The following PIK3C3 variants were observed in gnomAD, a reference collection of about 807,000 sequenced individuals.
PIK3C3 encodes phosphatidylinositol 3-kinase catalytic subunit type 3, also known as PI3-kinase type 3.
Under a neutral mutation model 126.1 loss-of-function variants are expected in PIK3C3, and 95 were observed. The observed-to-expected ratio is 0.75, with a 90% CI of 0.64 to 0.89. The LOEUF is 0.89. Among genes scored for constraint, PIK3C3 ranks in the 40% least tolerant of loss-of-function variants. The probability of loss-of-function intolerance (pLI) is 0.00; values close to 1 mark genes in which losing one functional copy is unlikely to be tolerated. For missense variants in PIK3C3, 829 were observed against 1,063.2 expected, an observed-to-expected ratio of 0.78 and a Z score of 3.06; for synonymous variants, 374 against 360.0, an observed-to-expected ratio of 1.04 and a Z score of -0.44.
intron 20 of PIK3C3, among the ~76,000 whole-genome samples, chr18:42,045,336 T>A (rs1984513485): frequency 6.6e-6 from 1 of 152,222 alleles, no homozygotes; most frequent in African/African-American, 2.4e-5. Flanking sequence ...CTTGTTTCTC[T>A]TCTTTATTTT....
At chr18:42,065,647 A>G (rs1985505203) in intron 23 of PIK3C3, among the ~76,000 whole-genome samples, 1 of 152,222 alleles carries the variant, frequency 6.6e-6, no homozygotes, top group Non-Finnish European at 1.5e-5. Flanking sequence ...CTCCATTCCT[A>G]TAGAATTTCC....
intron 4 of PIK3C3, among the ~76,000 whole-genome samples, chr18:41,983,367 T>TTC (rs1255912593): frequency 1.3e-5 from 2 of 152,006 alleles, no homozygotes; most frequent in East Asian, 3.9e-4. Flanking sequence ...TTTTTTTTTT[T>TTC]TCTCTCTCCA....
Position 42,076,151 on chromosome 18 carries a change from T to C in PIK3C3, c.2650-4972T>C, listed in dbSNP as rs868007583. Among the ~76,000 whole-genome samples, 361 of 103,706 alleles carry C rather than the reference T, an allele frequency of 3.5e-3. 5 individuals are homozygous for C. The highest frequency in any genetic ancestry group is 8.3e-3 in the East Asian group (32 of 3,846). The allele number at this position is 103,706 out of a possible 152,430, so 68.0% of individuals were successfully genotyped here. ...ATATATATATATATATATGCGCATA[T>C]ATATATATATGCACATATATATATA... is the stretch of plus-strand genomic sequence containing the variant. On this transcript the variant is annotated intron_variant, in intron 24 of 24. Coordinates refer to ENST00000262039, the MANE Select transcript of PIK3C3 (RefSeq NM_002647.4).
At chr18:41,964,372 C>G (rs944152368) in intron 3 of PIK3C3, among the ~76,000 whole-genome samples, 3 of 152,042 alleles carry the variant, frequency 2.0e-5, no homozygotes, top group South Asian at 4.1e-4. Context: ...GGCTTCTTTG[C>G]TTAGTATCTG....
chr18:41,967,312 G>C (rs945219170), intron 3 of PIK3C3, among the ~76,000 whole-genome samples: 1 of 152,082 alleles, frequency 6.6e-6, no homozygotes, highest in Non-Finnish European at 1.5e-5. Flanking sequence ...CAAGAAGCGC[G>C]TGCAGATTTT....
At chr18:42,018,472 A>T (rs2144413728) in intron 12 of PIK3C3, among the ~76,000 whole-genome samples, 1 of 152,252 alleles carries the variant, frequency 6.6e-6, no homozygotes, top group African/African-American at 2.4e-5. Flanking sequence ...TATTAAACTC[A>T]TGGACTCAGC....
intron 13 of PIK3C3, chr18:42,025,822 A>G (rs925531024): frequency 2.6e-5 from 4 of 152,322 alleles, no homozygotes; most frequent in South Asian, 4.1e-4. Flanking sequence ...ATAATGAGAT[A>G]GTAGCTAAAT....
chr18:42,039,311 T>C (rs945159212), intron 18 of PIK3C3, among the ~76,000 whole-genome samples: 3 of 152,252 alleles, frequency 2.0e-5, no homozygotes, highest in Admixed American at 6.5e-5. Context: ...ATCCTTCCTC[T>C]GGCTACTCCC....
At chr18:42,050,823 C>T (rs1191868048) in intron 21 of PIK3C3, 1 of 152,216 alleles carries the variant, frequency 6.6e-6, no homozygotes, top group African/African-American at 2.4e-5. Context: ...TGTCAAACCA[C>T]TCCTGCCTCA....
At chr18:42,029,736 T>C (rs1983743525) in intron 15 of PIK3C3, among the ~76,000 whole-genome samples, 1 of 151,668 alleles carries the variant, frequency 6.6e-6, no homozygotes, top group African/African-American at 2.4e-5. Flanking sequence ...AGAGATGAGG[T>C]TTCACCATGT....
intron 6 of PIK3C3, among the ~76,000 whole-genome samples, chr18:41,991,693 A>T (rs1981786314): frequency 6.6e-6 from 1 of 152,122 alleles, no homozygotes; most frequent in African/African-American, 2.4e-5. Flanking sequence ...TTTATTTATG[A>T]TCTTTTTTCA....
chr18:41,957,509 T>G (rs543955881), intron 1 of PIK3C3, 61 bp from the exon 2 acceptor site: 11 of 1,497,456 alleles, frequency 7.3e-6, no homozygotes, highest in Non-Finnish European at 1.0e-5. Context: ...TTAGTACTTA[T>G]GTATATATGT....
chr18:41,995,801 G>T, intron 7 of PIK3C3, 89 bp from the exon 8 acceptor site: 2 of 833,498 alleles, frequency 2.4e-6, no homozygotes, highest in South Asian at 1.5e-5. Flanking sequence ...ATTATTAAAT[G>T]CTCCTAAGTA....
At chr18:42,040,500 T>C (rs1984261955) in intron 18 of PIK3C3, among the ~76,000 whole-genome samples, 177 bp from the exon 19 acceptor site, 1 of 152,212 alleles carries the variant, frequency 6.6e-6, no homozygotes, top group African/African-American at 2.4e-5. Flanking sequence ...AAAAGTTTTC[T>C]TACAGGTCCT....
chr18:41,979,472 T>A (rs2144330139), intron 4 of PIK3C3, among the ~76,000 whole-genome samples: 1 of 152,322 alleles, frequency 6.6e-6, no homozygotes, highest in South Asian at 2.1e-4. Flanking sequence ...ATTTTTATTA[T>A]ATAGTGGACA....
chr18:42,076,639 A>C (rs1039637780), intron 24 of PIK3C3, among the ~76,000 whole-genome samples: 37 of 152,176 alleles, frequency 2.4e-4, no homozygotes, highest in Admixed American at 2.4e-3. Context: ...TATATGACAA[A>C]TGTTTGCAGC....
Position 42,012,654 on chromosome 18 carries a change from C to T in PIK3C3, c.1171-788C>T, listed in dbSNP as rs762075176. On this transcript the variant is annotated intron_variant, in intron 10 of 24. Transcript: ENST00000262039. ...TTATAGAGAAATACTGGAAGCATTT[C>T]CATCCTAAACATTAAAGAGTTTTAT... 2.5e-4 allele frequency among the ~76,000 whole-genome samples: 38 copies of T among 152,232 alleles called. No homozygotes were observed. In the Middle Eastern group the frequency reaches 0.01, roughly 41 times the overall value.
intron 10 of PIK3C3, among the ~76,000 whole-genome samples, chr18:42,006,570 A>G (rs866917856): frequency 1.3e-5 from 2 of 152,260 alleles, no homozygotes; most frequent in South Asian, 4.1e-4. Context: ...CCTCATGAAC[A>G]TAAACTCAGG....
At chr18:41,963,510 T>G (rs966220064) in intron 3 of PIK3C3, among the ~76,000 whole-genome samples, 4 of 152,292 alleles carry the variant, frequency 2.6e-5, no homozygotes, top group Non-Finnish European at 5.9e-5. Flanking sequence ...GATTGGTAGC[T>G]TCTTTGCTTT....
Sources: gnomAD v4.1 joint callset for allele counts (sites outside exome capture counted in the v4.1 genomes callset) on GRCh38, gnomAD v4.1.1 for gene constraint, MANE v1.5 for transcripts, NCBI Gene and HGNC (gene_info 2026-07-23, HGNC 2026-07-21) for gene names.